The following WDR90 variants were observed in gnomAD, a reference collection of about 807,000 sequenced individuals.
The protein encoded by WDR90 is WD repeat domain 90.
Under a neutral mutation model 195.2 loss-of-function variants are expected in WDR90, and 238 were observed. The ratio of observed to expected loss-of-function variants is 1.22; its 90% CI spans 1.10 to 1.36. WDR90 has a LOEUF of 1.36. WDR90 is among the 40% of genes most tolerant of loss of function. The pLI, the probability that WDR90 is intolerant of heterozygous loss-of-function variation, is 0.00. For synonymous variants in WDR90, 1,265 were observed against 1,052.4 expected, an observed-to-expected ratio of 1.20 and a Z score of -3.91; for missense variants, 2,734 against 2,439.5, an observed-to-expected ratio of 1.12 and a Z score of -2.54.
At position 661,646 on chromosome 16, in the gene WDR90, C is replaced by T. The variant is rs750016215; in HGVS notation, c.3723C>T (p.Asp1241=). Residue 1241 remains aspartate (D), a synonymous_variant, in exon 31 of 41, where the codon GAC becomes GAT. Transcript: ENST00000293879. ...CCCTGTGGGGCACGGCCACCTATGA[C>T]CTCGTGTCCTCCACCCGCCTCCCGG... ...TLALWGTATY[D]LVSSTRLPEP... is the part of the protein sequence containing the mutation. 2.5e-6 allele frequency: 4 copies of T among 1,609,046 alleles called. No homozygotes were observed. Among genetic ancestry groups the T allele is most frequent in the South Asian group, 1.1e-5 (1 of 90,620 alleles).
At position 667,664 on chromosome 16, in the gene WDR90, G is replaced by T. The variant is rs777587584; in HGVS notation, c.*75G>T. On this transcript the variant is annotated 3_prime_UTR_variant, in exon 41 of 41. Coordinates refer to ENST00000293879, the MANE Select transcript of WDR90 (RefSeq NM_145294.5). ...ACCTGGACACAGGCTTGGCAGAGGC[G>T]CCAGGTTGTCAATGGCCTCATGCTG... The T allele has an allele frequency of 1.9e-6, 3 of 1,582,152 alleles. No homozygotes were observed. The African/African-American group carries it at 4.0e-5, about 21-fold the overall frequency.
In WDR90 at chr16:658,326, G is replaced by A. The variant is rs201102798; in HGVS notation, c.2748G>A (p.Ser916=). The change falls in exon 22 of 41, where the codon TCG becomes TCA. Residue 916 remains serine, a synonymous_variant. Transcript: ENST00000293879. ...SNRVVVLDAV[S]GRIIRELPGV... The stretch of plus-strand genomic sequence containing the variant: ...GAGTCGTGGTGCTGGATGCTGTGTC[G>A]GGCCGCATCATCCGGGAGGTGAGCC... 204 of 1,612,432 alleles carry A rather than the reference G, an allele frequency of 1.3e-4. No individual in the cohort carries two copies. In the African/African-American group the frequency reaches 1.6e-3, roughly 13 times the overall value.
At chr16:660,515 GGCCTGGGTGTGCCCCAACACA>G (rs1267084418) in intron 27 of WDR90, 76 bp from the exon 28 acceptor site, 18 of 1,281,304 alleles carry the variant, frequency 1.4e-5, no homozygotes, top group Middle Eastern at 2.0e-4. Flanking sequence ...CTCTGCAGCT[GGCCTGGGTGTGCCCCAACACA>G]GCCTCCCATG....
chr16:649,902 C>T lies in WDR90; in HGVS notation c.102+48C>T, dbSNP rs561945576. 17 of 1,586,908 alleles carry T rather than the reference C, an allele frequency of 1.1e-5. No individual in the cohort carries two copies. The African/African-American group carries it at 1.9e-4, about 18-fold the overall frequency. On this transcript the variant is annotated intron_variant, in intron 2 of 40. Coordinates refer to ENST00000293879, the MANE Select transcript of WDR90 (RefSeq NM_145294.5). Reference sequence around the variant, plus strand: ...GGAGCCCACACCCCTGCCCTGCCCCCAGGAGAGCTGCCCCGCCCCCGAGGG... The same window carrying T: ...GGAGCCCACACCCCTGCCCTGCCCCTAGGAGAGCTGCCCCGCCCCCGAGGG...
intron 26 of WDR90, 76 bp from the exon 27 acceptor site, chr16:659,982 G>A: frequency 8.9e-7 from 1 of 1,119,276 alleles, no homozygotes; most frequent in South Asian, 1.5e-5. Context: ...GGCTTGTGGG[G>A]AGACTGCGTG....
chr16:654,169 C>T (rs2037699509), intron 13 of WDR90: 1 of 305,558 alleles, frequency 3.3e-6, no homozygotes, highest in South Asian at 9.5e-5. Context: ...CCGAAGCACC[C>T]GGCATCTTGG....
rs769042288 is a variant in WDR90 at position 659,027 on chromosome 16, C to G, written c.3011+16C>G. The G allele has an allele frequency of 1.2e-6, 2 of 1,613,204 alleles. No individual in the cohort carries two copies. The highest frequency in any genetic ancestry group is 1.7e-6 in the Non-Finnish European group (2 of 1,179,880). On this transcript the variant is annotated intron_variant, in intron 24 of 40. Transcript: ENST00000293879. The stretch of plus-strand genomic sequence containing the variant: ...CTACTGAGAGGCAAGTGCCTACTCT[C>G]AGCTGTGTCTGCCTAGGCCCCCCAG...
At position 651,315 on chromosome 16, in the gene WDR90, G is replaced by A. The variant is rs372646198; in HGVS notation, c.736+49G>A. On this transcript the variant is annotated intron_variant, in intron 7 of 40. Transcript: ENST00000293879. ...ACCCAGGTTAAGGCCTGTAGGGTGC[G>A]TGGGGCTCGGTAGGAGAGGGCAGGG... 50 of 1,593,954 alleles carry A rather than the reference G, an allele frequency of 3.1e-5. No homozygotes were observed. The African/African-American group carries it at 5.2e-4, about 17-fold the overall frequency.
At chr16:665,635 T>A (rs1288254067) in intron 34 of WDR90, 44 bp from the exon 35 acceptor site, 1 of 1,611,908 alleles carries the variant, frequency 6.2e-7, no homozygotes, top group East Asian at 2.2e-5. Flanking sequence ...CCCTTTACCC[T>A]GCCCAGGGGC....
intron 13 of WDR90, 150 bp downstream of exon 13, chr16:653,953 G>A: frequency 1.0e-6 from 1 of 967,480 alleles, no homozygotes; most frequent in Non-Finnish European, 1.5e-6. Context: ...GCACTCTGGT[G>A]TTCATGCCGC....
rs760396174 is a variant in WDR90, at chr16:665,645, C to A, written c.4312-34C>A. The A allele has an allele frequency of 2.9e-5, 46 of 1,612,104 alleles. No individual in the cohort carries two copies. The Admixed American group carries it at 7.7e-4, about 27-fold the overall frequency. The stretch of plus-strand genomic sequence containing the variant: ...TGCGTCCCTTTACCCTGCCCAGGGG[C>A]CAACACCCCCAGCCTAGCTACGGCT... On this transcript the variant is annotated intron_variant, in intron 34 of 40. Coordinates refer to ENST00000293879, the MANE Select transcript of WDR90 (RefSeq NM_145294.5).
intron 34 of WDR90, among the ~76,000 whole-genome samples, chr16:663,853 C>G (rs527431558): frequency 6.6e-6 from 1 of 152,306 alleles, no homozygotes; most frequent in Admixed American, 6.5e-5. Flanking sequence ...CCCTGCTGGA[C>G]CAGGTTCCTG....
In WDR90 at chr16:660,675, G is replaced by A. The variant is rs779654699; in HGVS notation, c.3352G>A (p.Gly1118Arg). The A allele has an allele frequency of 1.0e-5, 16 of 1,579,842 alleles. No homozygotes were observed. Among genetic ancestry groups the A allele is most frequent in the Admixed American group, 3.6e-5 (2 of 55,596 alleles). Reference protein sequence around the residue: ...LRLKAVVGYSGNGRANMVWRP... With the variant: ...LRLKAVVGYSRNGRANMVWRP... ...TCTGAAGGCTGTCGTCGGTTACAGC[G>A]GGAATGGGCGGGCCAACATGGTCTG... Residue 1118 changes from glycine (G) to arginine (R), a missense_variant, in exon 28 of 41, where the codon GGG becomes AGG. Coordinates refer to ENST00000293879, the MANE Select transcript of WDR90 (RefSeq NM_145294.5).
Position 659,957 on chromosome 16 carries a change from GT to G in WDR90, c.3185-100del, listed in dbSNP as rs2037858953. The G allele has an allele frequency of 4.4e-6, 4 of 907,712 alleles. No homozygotes were observed. The Admixed American group carries it at 1.0e-4, about 23-fold the overall frequency. 56.2% of individuals were successfully genotyped at this position (907,712 alleles called of 1,614,324 possible). Reference sequence around the variant, plus strand: ...TGTGCCCCGCCGTGCAGTTCTCACTGTGTGGTAGACCAGGGGCTTGTGGGGA... The same window carrying G: ...TGTGCCCCGCCGTGCAGTTCTCACTGGTGGTAGACCAGGGGCTTGTGGGGA... On this transcript the variant is annotated intron_variant, in intron 26 of 40. Transcript: ENST00000293879.
rs1356273450 is a variant in WDR90, at chr16:666,017, G to A, written c.4502G>A (p.Gly1501Asp). 1 of 1,604,104 alleles carries A rather than the reference G, an allele frequency of 6.2e-7. No individual in the cohort carries two copies. The highest frequency in any genetic ancestry group is 8.5e-7 in the Non-Finnish European group (1 of 1,179,792). Reference protein sequence around the residue: ...GRPEQQRLAAGYGDGSLRIFS... With the variant: ...GRPEQQRLAADYGDGSLRIFS... Reference sequence around the variant, plus strand: ...CCTGAGCAGCAGCGGCTAGCGGCTGGCTACGGTGACGGCTCCCTGCGCATC... The same window carrying A: ...CCTGAGCAGCAGCGGCTAGCGGCTGACTACGGTGACGGCTCCCTGCGCATC... Residue 1501 changes from glycine (G) to aspartate (D), a missense_variant, in exon 36 of 41, where the codon GGC becomes GAC. By Grantham distance (94) the Gly-to-Asp change is moderately conservative. Coordinates refer to ENST00000293879, the MANE Select transcript of WDR90 (RefSeq NM_145294.5).
intron 30 of WDR90, 26 bp downstream of exon 30, chr16:661,527 A>C (rs1427396734): frequency 6.4e-7 from 1 of 1,568,888 alleles, no homozygotes; most frequent in South Asian, 1.1e-5. Flanking sequence ...GGTGGAGGCC[A>C]GGGGCTTCCC....
At chr16:666,821 G>T in intron 39 of WDR90, 29 bp downstream of exon 39, 1 of 1,612,814 alleles carries the variant, frequency 6.2e-7, no homozygotes, top group Admixed American at 1.7e-5. Flanking sequence ...GTGTCACTGG[G>T]AGCCCCAGGG....
chr16:649,273 A>G (rs1228048787), upstream of WDR90: 10 of 949,808 alleles, frequency 1.1e-5, no homozygotes, highest in Non-Finnish European at 1.4e-5. Context: ...CCCACCGGGG[A>G]GGTCACGTGG....
chr16:662,191 T>TG, intron 32 of WDR90, 29 bp from the exon 33 acceptor site: 7 of 1,520,656 alleles, frequency 4.6e-6, no homozygotes, highest in Non-Finnish European at 6.2e-6. Flanking sequence ...AAGGCAGCCG[T>TG]GGCCCCTTAT....
Sources: allele counts gnomAD v4.1 joint callset (sites outside exome capture counted in the v4.1 genomes callset), GRCh38; gene constraint gnomAD v4.1.1; transcripts MANE v1.5; gene names NCBI Gene and HGNC (gene_info 2026-07-23, HGNC 2026-07-21).